Variants in CARF observed in about 807,000 individuals in gnomAD.
The protein encoded by CARF is calcium-responsive transcription factor.
A neutral mutation model predicts 82.0 loss-of-function variants in CARF; 57 were observed. That is an observed-to-expected ratio of 0.70 (90% CI 0.56 to 0.87). The LOEUF (loss-of-function observed/expected upper bound fraction) is 0.87, where lower values mean the gene tolerates loss of function less well. CARF is among the 40% of genes least tolerant of loss of function. CARF has a pLI of 0.00. For synonymous variants in CARF, 268 were observed against 290.1 expected, an observed-to-expected ratio of 0.92 and a Z score of 0.77; for missense variants, 771 against 855.8, an observed-to-expected ratio of 0.90 and a Z score of 1.24.
chr2:202,983,652 C>T lies in CARF; in HGVS notation c.*28C>T. 1 of 1,342,550 alleles carries T rather than the reference C, an allele frequency of 7.4e-7. No individual in the cohort carries two copies. Among genetic ancestry groups the T allele is most frequent in the Non-Finnish European group, 1.1e-6 (1 of 938,562 alleles). 83.2% of individuals were successfully genotyped at this position (1,342,550 alleles called of 1,614,324 possible). On this transcript the variant is annotated 3_prime_UTR_variant, in exon 17 of 17. Coordinates refer to ENST00000438828, the MANE Select transcript of CARF (RefSeq NM_024744.17). ...TATTGAAGCTTTTCAGAATTTACAACTCTGGTGACTTCTGATGTCTTAGAA... is the reference window on the plus strand; with the variant it reads ...TATTGAAGCTTTTCAGAATTTACAATTCTGGTGACTTCTGATGTCTTAGAA...
chr2:202,953,754 A>G (rs1423057601), intron 6 of CARF, among the ~76,000 whole-genome samples: 4 of 152,100 alleles, frequency 2.6e-5, no homozygotes, highest in African/African-American at 9.6e-5. Flanking sequence ...CTCTTAATAT[A>G]CAATTATTTC....
chr2:202,979,798 C>CA (rs796554415), intron 14 of CARF, among the ~76,000 whole-genome samples: 275 of 109,028 alleles, frequency 2.5e-3, no homozygotes, highest in Middle Eastern at 9.3e-3. Flanking sequence ...AAGACTGTCT[C>CA]AAAAAAAAAA....
rs190500049 is a variant in CARF, at chr2:202,942,576, A to G, written c.79-164A>G. On this transcript the variant is annotated intron_variant, in intron 4 of 16. Transcript: ENST00000438828. ...AAGATAGTAAGTATAATAATCAACA[A>G]TTTTACTTAAGAAATACTTTCTGTG... 1,180 of 698,220 alleles carry G rather than the reference A, an allele frequency of 1.7e-3. 2 individuals are homozygous for G. Among genetic ancestry groups the G allele is most frequent in the Non-Finnish European group, 2.0e-3 (1,136 of 568,174 alleles). The allele number at this position is 698,220 out of a possible 1,614,324, so 43.3% of individuals were successfully genotyped here. A position where few individuals can be genotyped will look rare whatever the true frequency, so the allele number is the denominator to read the frequency against.
At chr2:202,929,548 C>G (rs1485299535) in intron 3 of CARF, among the ~76,000 whole-genome samples, 1 of 152,012 alleles carries the variant, frequency 6.6e-6, no homozygotes, top group African/African-American at 2.4e-5. Flanking sequence ...ATTGGTGTGT[C>G]TGTTTTTATG....
chr2:202,950,732 T>G lies in CARF; in HGVS notation c.307-1827T>G, dbSNP rs1383877417. 2.0e-5 allele frequency among the ~76,000 whole-genome samples: 3 copies of G among 152,252 alleles called. No homozygotes were observed. In the East Asian group the frequency reaches 5.8e-4, roughly 29 times the overall value. On this transcript the variant is annotated intron_variant, in intron 5 of 16. Coordinates refer to ENST00000438828, the MANE Select transcript of CARF (RefSeq NM_024744.17). Reference sequence around the variant, plus strand: ...TCCTCATTTATAAAATGTATATACTTGAGATACACGTGATGAGGATTAAAT... The same window carrying G: ...TCCTCATTTATAAAATGTATATACTGGAGATACACGTGATGAGGATTAAAT...
chr2:202,969,324 C>G (rs751809390), intron 10 of CARF, among the ~76,000 whole-genome samples: 11 of 152,170 alleles, frequency 7.2e-5, no homozygotes, highest in Admixed American at 3.9e-4. Flanking sequence ...GCCTGTAATC[C>G]CAGCACTTCA....
chr2:202,965,961 C>G (rs1438992361), intron 9 of CARF, among the ~76,000 whole-genome samples: 5 of 152,164 alleles, frequency 3.3e-5, no homozygotes, highest in African/African-American at 1.2e-4. Flanking sequence ...CTGCAGTTGT[C>G]TCATGACTTG....
At chr2:202,977,994 C>T (rs1439981101) in intron 14 of CARF, among the ~76,000 whole-genome samples, 2 of 152,062 alleles carry the variant, frequency 1.3e-5, no homozygotes, top group African/African-American at 2.4e-5. Context: ...CACAGGCGCA[C>T]GCCACCATAC....
At chr2:202,922,404 A>C (rs1473196828) in intron 2 of CARF, among the ~76,000 whole-genome samples, 1 of 152,168 alleles carries the variant, frequency 6.6e-6, no homozygotes. Context: ...GGCATGAGCT[A>C]CCAGCCTGGC....
chr2:202,982,828 C>T (rs2060321641), intron 16 of CARF, among the ~76,000 whole-genome samples: 1 of 152,036 alleles, frequency 6.6e-6, no homozygotes, highest in Non-Finnish European at 1.5e-5. Flanking sequence ...TGCACACATA[C>T]ACAAAGAAAA....
At chr2:202,921,568 TATAC>T (rs1407103338) in intron 2 of CARF, among the ~76,000 whole-genome samples, 1 of 152,204 alleles carries the variant, frequency 6.6e-6, no homozygotes, top group African/African-American at 2.4e-5. Flanking sequence ...ATATAAATTT[TATAC>T]ATAGAGACTT....
chr2:202,964,261 T>C (rs2059445188), intron 9 of CARF, among the ~76,000 whole-genome samples: 1 of 151,836 alleles, frequency 6.6e-6, no homozygotes, highest in Non-Finnish European at 1.5e-5. Context: ...TTGCCAGATG[T>C]TTAAAAATCT....
At chr2:202,921,559 T>C (rs1690794042) in intron 2 of CARF, among the ~76,000 whole-genome samples, 1 of 152,208 alleles carries the variant, frequency 6.6e-6, no homozygotes, top group African/African-American at 2.4e-5. Flanking sequence ...ACACACAGAA[T>C]ATAAATTTTA....
intron 11 of CARF, among the ~76,000 whole-genome samples, chr2:202,971,238 C>A (rs1041032470): frequency 6.6e-6 from 1 of 151,976 alleles, no homozygotes; most frequent in Admixed American, 6.6e-5. Context: ...ATCCCTGTAT[C>A]TCCCTCAACT....
chr2:202,925,338 G>A (rs1032827749), intron 3 of CARF: 59 of 320,008 alleles, frequency 1.8e-4, no homozygotes, highest in Non-Finnish European at 1.6e-4. Context: ...AGATCTGTGA[G>A]CTGTAGTCCC....
intron 10 of CARF, among the ~76,000 whole-genome samples, chr2:202,969,630 G>T (rs192460998): frequency 1.3e-5 from 2 of 151,842 alleles, no homozygotes; most frequent in East Asian, 3.9e-4. Context: ...AGTAATCCAG[G>T]CATGAGGTGA....
chr2:202,944,916 T>C lies in CARF; in HGVS notation c.306+1949T>C, dbSNP rs375245307. Among the ~76,000 whole-genome samples the C allele has an allele frequency of 1.1e-4, 17 of 152,296 alleles. No homozygotes were observed. In the East Asian group the frequency reaches 3.3e-3, roughly 29 times the overall value. On this transcript the variant is annotated intron_variant, in intron 5 of 16. Coordinates refer to ENST00000438828, the MANE Select transcript of CARF (RefSeq NM_024744.17). ...CAAAAAAAAGTTAATTAACACTCTT[T>C]GTAATTGGATTAAACTTTCTATACA...
chr2:202,912,430 G>A lies in CARF; in HGVS notation c.-1002G>A, dbSNP rs1688758452. ...CAGGACTGGGGGAGTCAGAGGTCTG[G>A]CAGCGCTGTCTGCGCAGACCTACCG... On this transcript the variant is annotated 5_prime_UTR_variant, in exon 1 of 17. Coordinates refer to ENST00000438828, the MANE Select transcript of CARF (RefSeq NM_024744.17). 6.9e-6 allele frequency: 1 copy of A among 144,970 alleles called. No individual in the cohort carries two copies. The highest frequency in any genetic ancestry group is 2.3e-4 in the South Asian group (1 of 4,316). 9.0% of individuals were successfully genotyped at this position (144,970 alleles called of 1,614,324 possible). A position where few individuals can be genotyped will look rare whatever the true frequency, so the allele number is the denominator to read the frequency against.
chr2:202,942,594 T>C lies in CARF; in HGVS notation c.79-146T>C, dbSNP rs1382060342. On this transcript the variant is annotated intron_variant, in intron 4 of 16. Transcript: ENST00000438828. ...ATCAACAATTTTACTTAAGAAATAC[T>C]TTCTGTGTATAGCAATTTGTGTGAA... is the stretch of plus-strand genomic sequence containing the variant. 3.0e-6 allele frequency: 3 copies of C among 1,004,572 alleles called. No individual in the cohort carries two copies. In the East Asian group the frequency reaches 8.6e-5, roughly 29 times the overall value. 62.2% of individuals were successfully genotyped at this position (1,004,572 alleles called of 1,614,324 possible). A position where few individuals can be genotyped will look rare whatever the true frequency, so the allele number is the denominator to read the frequency against.
Sources: gnomAD v4.1 joint callset for allele counts (sites outside exome capture counted in the v4.1 genomes callset) on GRCh38, gnomAD v4.1.1 for gene constraint, MANE v1.5 for transcripts, NCBI Gene and HGNC (gene_info 2026-07-23, HGNC 2026-07-21) for gene names.